Variants in SERPINA12 observed in about 807,000 individuals in gnomAD.
The protein encoded by SERPINA12 is serpin family A member 12.
Under a neutral mutation model 25.9 loss-of-function variants are expected in SERPINA12, and 21 were observed. The ratio of observed to expected loss-of-function variants is 0.81; its 90% confidence interval spans 0.58 to 1.17. The LOEUF (loss-of-function observed/expected upper bound fraction) is 1.17. Among genes scored for constraint, SERPINA12 ranks in the 50% most tolerant of loss-of-function variants. SERPINA12 has a pLI of 0.00. For missense variants in SERPINA12, 562 were observed against 508.3 expected (o/e 1.11, Z -1.02); for synonymous variants, 220 against 196.0 (o/e 1.12, Z -1.02).
At position 94,496,460 on chromosome 14, in the gene SERPINA12, A is replaced by T; in HGVS notation, c.818T>A (p.Ile273Asn). The T allele has an allele frequency of 6.2e-7, 1 of 1,614,170 alleles. No individual in the cohort carries two copies. The highest frequency in any genetic ancestry group is 8.5e-7 in the Non-Finnish European group (1 of 1,180,006). ...CTTCAGCTTGCCCTCATCAGGAAGG[A>T]TGAAGATGGCTGTGATATTTTTCTG... ...PYQKNITAIF[I>N]LPDEGKLKHL... The change falls in exon 3 of 5, where the codon ATC becomes AAC. Residue 273 changes from isoleucine (I) to asparagine (N), a missense_variant. Coordinates refer to ENST00000677451, the MANE Select transcript of SERPINA12 (RefSeq NM_001382267.1).
At chr14:94,505,546 A>G (rs1284400826) in intron 1 of SERPINA12, among the ~76,000 whole-genome samples, 2 of 152,200 alleles carry the variant, frequency 1.3e-5, no homozygotes, top group East Asian at 3.9e-4. Flanking sequence ...GCTGAGACCA[A>G]GGAGTACAGG....
exon 1 of SERPINA12, chr14:94,517,532 A>C (rs1840226011): frequency 6.6e-6 from 1 of 152,148 alleles, no homozygotes; most frequent in Non-Finnish European, 1.5e-5. Flanking sequence ...TGGACGCTTG[A>C]CACCTGGGGA....
At chr14:94,510,967 TA>T (rs934071823), upstream of SERPINA12, among the ~76,000 whole-genome samples, 23 of 152,034 alleles carry the variant, frequency 1.5e-4, no homozygotes, top group African/African-American at 5.3e-4. Flanking sequence ...TGGTGAGGTA[TA>T]AAAAACTACA....
chr14:94,487,406 G>T lies in SERPINA12; in HGVS notation c.1142C>A (p.Pro381Gln), dbSNP rs766491982. 2 of 1,614,088 alleles carry T rather than the reference G, an allele frequency of 1.2e-6. No individual in the cohort carries two copies. The highest frequency in any genetic ancestry group is 4.5e-5 in the East Asian group (2 of 44,856). ...TGAQTLPMET[P>Q]LVVKIDKPYL... ...GGGTTTGTCTATCTTGACGACGAGT[G>T]GTGTCTCCATGGGCAGAGTCTGTGC... The change falls in exon 5 of 5, where the codon CCA becomes CAA. Residue 381 changes from proline to glutamine, a missense_variant. Coordinates refer to ENST00000677451, the MANE Select transcript of SERPINA12 (RefSeq NM_001382267.1).
At chr14:94,512,277 T>G (rs1901131670), upstream of SERPINA12, among the ~76,000 whole-genome samples, 1 of 152,078 alleles carries the variant, frequency 6.6e-6, no homozygotes, top group Non-Finnish European at 1.5e-5. Flanking sequence ...GGAGCACAGG[T>G]CCTACAGCCA....
intron 1 of SERPINA12, among the ~76,000 whole-genome samples, chr14:94,506,179 T>TG (rs1408313159): frequency 2.0e-5 from 3 of 152,196 alleles, no homozygotes; most frequent in Admixed American, 6.5e-5. Flanking sequence ...CCTAAGGCAC[T>TG]GGTCGGAGGC....
At chr14:94,491,325 G>T (rs969597969) in intron 3 of SERPINA12, among the ~76,000 whole-genome samples, 3 of 152,186 alleles carry the variant, frequency 2.0e-5, no homozygotes, top group African/African-American at 7.2e-5. Context: ...TCGAGGATTG[G>T]TCCAAAGTTT....
rs1305010792 is a variant in SERPINA12, at chr14:94,501,678, C to T, written c.-33-3248G>A. Among the ~76,000 whole-genome samples, 25 of 141,506 alleles carry T rather than the reference C, an allele frequency of 1.8e-4. No individual in the cohort carries two copies. The East Asian group carries it at 5.1e-3, about 29-fold the overall frequency. 92.8% of individuals were successfully genotyped at this position (141,506 alleles called of 152,430 possible). A position where few individuals can be genotyped will look rare whatever the true frequency, so the allele number is the denominator to read the frequency against. The stretch of plus-strand genomic sequence containing the variant: ...CCACCACCTCCCCGCCCCCCCACCC[C>T]CGCCCCAAGGGACACAGCCCACACC... On this transcript the variant is annotated intron_variant, in intron 1 of 4. Transcript: ENST00000677451.
chr14:94,511,318 C>T (rs1595701698), upstream of SERPINA12: 1 of 727,186 alleles, frequency 1.4e-6, no homozygotes, highest in Non-Finnish European at 1.7e-6. Flanking sequence ...TCACACTATA[C>T]AGATGAGAAA....
chr14:94,497,648 G>A lies in SERPINA12; in HGVS notation c.634+116C>T, dbSNP rs147097807. The A allele has an allele frequency of 1.4e-4, 132 of 933,184 alleles. No individual in the cohort carries two copies. In the African/African-American group the frequency reaches 1.8e-3, roughly 12 times the overall value. The allele number at this position is 933,184 out of a possible 1,614,324, so 57.8% of individuals were successfully genotyped here. On this transcript the variant is annotated intron_variant, in intron 2 of 4. Coordinates refer to ENST00000677451, the MANE Select transcript of SERPINA12 (RefSeq NM_001382267.1). The stretch of plus-strand genomic sequence containing the variant: ...ACAGATAGGAAAAGTGAGGTTTTGA[G>A]AGATAAATCACATATGAATTCAAGG...
intron 3 of SERPINA12, among the ~76,000 whole-genome samples, chr14:94,491,259 G>A (rs142179905): frequency 6.6e-6 from 1 of 152,338 alleles, no homozygotes; most frequent in African/African-American, 2.4e-5. Flanking sequence ...TGTACTAGCG[G>A]TATGCAGAAG....
chr14:94,500,756 C>G (rs565154147), intron 1 of SERPINA12: 1 of 602,872 alleles, frequency 1.7e-6, no homozygotes, highest in African/African-American at 2.0e-5. Flanking sequence ...TAAGAGAAAC[C>G]GGGGCTGGGT....
chr14:94,490,397 C>G (rs1479277123), intron 3 of SERPINA12, among the ~76,000 whole-genome samples: 1 of 152,048 alleles, frequency 6.6e-6, no homozygotes, highest in Admixed American at 6.5e-5. Context: ...CAGCCTCCTG[C>G]CCGGAGCCTG....
intron 1 of SERPINA12, among the ~76,000 whole-genome samples, chr14:94,504,625 C>A (rs530743560): frequency 6.6e-6 from 1 of 152,256 alleles, no homozygotes; most frequent in East Asian, 1.9e-4. Context: ...GGAAAAAGTT[C>A]GAGGACAGAC....
In SERPINA12 at chr14:94,498,192, C is replaced by A. The variant is rs1461297944; in HGVS notation, c.206G>T (p.Gly69Val). 7 of 1,614,046 alleles carry A rather than the reference C, an allele frequency of 4.3e-6. No individual in the cohort carries two copies. The highest frequency in any genetic ancestry group is 5.9e-6 in the Non-Finnish European group (7 of 1,180,030). ...CAAGGGGGATAGGAAGATGTTCCTG[C>A]CAGGGTTGTAAAAGGCCAGCTTCTT... ...LLKKLAFYNP[G>V]RNIFLSPLSI... Residue 69 changes from glycine (G) to valine (V), a missense_variant, in exon 2 of 5, where the codon GGC (glycine) becomes GTC (valine). Gly to Val is a moderately radical substitution (Grantham distance 109). Coordinates refer to ENST00000677451, the MANE Select transcript of SERPINA12 (RefSeq NM_001382267.1).
chr14:94,487,565 G>T (rs535285062), intron 4 of SERPINA12, 71 bp from the exon 5 acceptor site: 6 of 1,352,686 alleles, frequency 4.4e-6, no homozygotes, highest in Non-Finnish European at 4.0e-6. Flanking sequence ...GAGGCCCAGA[G>T]AGGATCAGAG....
intron 1 of SERPINA12, among the ~76,000 whole-genome samples, chr14:94,508,328 C>T (rs1901005144): frequency 6.6e-6 from 1 of 152,010 alleles, no homozygotes; most frequent in African/African-American, 2.4e-5. Context: ...GCTTCTAGTA[C>T]AAAATGTTGA....
Position 94,496,478 on chromosome 14 carries a change from T to A in SERPINA12, c.800A>T (p.Asn267Ile), listed in dbSNP as rs765439918. 1.2e-6 allele frequency: 2 copies of A among 1,614,006 alleles called. No individual in the cohort carries two copies. Among genetic ancestry groups the A allele is most frequent in the Non-Finnish European group, 1.7e-6 (2 of 1,180,012 alleles). The change falls in exon 3 of 5, where the codon AAT becomes ATT. Residue 267 changes from asparagine (N) to isoleucine (I), a missense_variant. Physicochemically the swap from Asn to Ile is moderately radical, Grantham distance 149. Coordinates refer to ENST00000677451, the MANE Select transcript of SERPINA12 (RefSeq NM_001382267.1). ...CTILEIPYQKNITAIFILPDE... is the reference protein window; with the variant it reads ...CTILEIPYQKIITAIFILPDE... ...AGGAAGGATGAAGATGGCTGTGATA[T>A]TTTTCTGGTAGGGTATTTCCAGGAT...
rs775357079 is a variant in SERPINA12 at position 94,497,861 on chromosome 14, G to A, written c.537C>T (p.Asp179=). Residue 179 remains aspartate (D), a synonymous_variant, in exon 2 of 5, where the codon GAC becomes GAT. Coordinates refer to ENST00000677451, the MANE Select transcript of SERPINA12 (RefSeq NM_001382267.1). ...TCCCATGGGTTTTTTGACTGATAAA[G>A]TCATTGATCTGCTTCTGAGCCATTT... The part of the protein sequence containing the change: ...NLEMAQKQIN[D]FISQKTHGKI... 1 of 1,614,114 alleles carries A rather than the reference G, an allele frequency of 6.2e-7. No homozygotes were observed. The highest frequency in any genetic ancestry group is 8.5e-7 in the Non-Finnish European group (1 of 1,180,006).
Sources: gnomAD v4.1 joint callset for allele counts (sites outside exome capture counted in the v4.1 genomes callset) on GRCh38, gnomAD v4.1.1 for gene constraint, MANE v1.5 for transcripts, NCBI Gene and HGNC (gene_info 2026-07-23, HGNC 2026-07-21) for gene names.